Variants in VSTM4 observed in about 807,000 individuals in gnomAD.
VSTM4 encodes the protein V-set and transmembrane domain containing 4.
Under a neutral mutation model 36.4 loss-of-function variants are expected in VSTM4, and 20 were observed. That is an observed-to-expected ratio of 0.55 (90% confidence interval 0.39 to 0.80). VSTM4 has a LOEUF of 0.80. Ranked by LOEUF, VSTM4 falls within the 30% of genes least tolerant of loss-of-function variation. The pLI, the probability that VSTM4 is intolerant of heterozygous loss-of-function variation, is 0.00. For synonymous variants in VSTM4, 182 were observed against 173.9 expected (o/e 1.05, Z -0.37); for missense variants, 392 against 404.5 (o/e 0.97, Z 0.26).
chr10:49,022,121 A>T (rs982169759), intron 7 of VSTM4, among the ~76,000 whole-genome samples: 1 of 114,920 alleles, frequency 8.7e-6, no homozygotes, highest in Non-Finnish European at 1.8e-5. Context: ...TAATGCATTT[A>T]TTTTTTTTTA....
At chr10:49,058,754 G>A (rs1269282640) in intron 5 of VSTM4, among the ~76,000 whole-genome samples, 1 of 152,186 alleles carries the variant, frequency 6.6e-6, no homozygotes, top group Non-Finnish European at 1.5e-5. Flanking sequence ...TTCAGTGACC[G>A]CAGCCTCAGA....
At chr10:49,027,098 ACT>A (rs1319494986) in intron 7 of VSTM4, among the ~76,000 whole-genome samples, 1 of 151,704 alleles carries the variant, frequency 6.6e-6, no homozygotes, top group East Asian at 1.9e-4. Context: ...TGGCGGCCAC[ACT>A]CTCCTGCACT....
chr10:49,041,590 T>G (rs576950118), intron 7 of VSTM4, among the ~76,000 whole-genome samples: 1 of 152,166 alleles, frequency 6.6e-6, no homozygotes, highest in Non-Finnish European at 1.5e-5. Flanking sequence ...GAATCTGATA[T>G]TTTTTTAGTT....
intron 7 of VSTM4, among the ~76,000 whole-genome samples, chr10:49,046,398 C>G (rs1179999950): frequency 2.0e-5 from 3 of 152,182 alleles, no homozygotes; most frequent in Non-Finnish European, 2.9e-5. Context: ...AATGTGAGAT[C>G]CTGGATTTGG....
chr10:49,054,624 CG>C (rs1310628013), intron 5 of VSTM4, among the ~76,000 whole-genome samples: 2 of 152,150 alleles, frequency 1.3e-5, no homozygotes, highest in African/African-American at 4.8e-5. Context: ...GAGCAGAAGG[CG>C]GGGAGCAGTT....
chr10:49,058,188 A>G (rs1314731674), intron 5 of VSTM4, among the ~76,000 whole-genome samples: 1 of 152,012 alleles, frequency 6.6e-6, no homozygotes, highest in Non-Finnish European at 1.5e-5. Context: ...AACTTCCCTC[A>G]TTGGCAAGTA....
At chr10:49,102,362 T>C (rs1844683358) in intron 2 of VSTM4, 1 of 972,198 alleles carries the variant, frequency 1.0e-6, no homozygotes, top group African/African-American at 1.8e-5. Flanking sequence ...TCTTGAACTC[T>C]TGACTTCGTG....
At position 49,043,989 on chromosome 10, in the gene VSTM4, ACTT is replaced by A. The variant is rs1376707037; in HGVS notation, c.837+2991_837+2993del. Among the ~76,000 whole-genome samples, 24 of 152,302 alleles carry A rather than the reference ACTT, an allele frequency of 1.6e-4. No homozygotes were observed. In the East Asian group the frequency reaches 4.4e-3, roughly 28 times the overall value. On this transcript the variant is annotated intron_variant, in intron 7 of 7. Transcript: ENST00000332853. ...CATTTTTTGGTAGTGCTGTCTTTTT[ACTT>A]CTTATTGATTGGCAGGTGTTCATAT...
intron 2 of VSTM4, among the ~76,000 whole-genome samples, chr10:49,093,677 T>G (rs983337160): frequency 6.6e-6 from 1 of 152,080 alleles, no homozygotes; most frequent in African/African-American, 2.4e-5. Flanking sequence ...CCTTGTTCAT[T>G]ATCTGTGTCT....
At chr10:49,061,899 G>T (rs780493412) in intron 5 of VSTM4, among the ~76,000 whole-genome samples, 18 of 152,046 alleles carry the variant, frequency 1.2e-4, no homozygotes, top group Non-Finnish European at 1.6e-4. Flanking sequence ...AGCAATTAAG[G>T]CTACCATATT....
At position 49,107,927 on chromosome 10, in the gene VSTM4, C is replaced by T; in HGVS notation, c.124G>A (p.Ala42Thr). The T allele has an allele frequency of 1.9e-6, 3 of 1,612,964 alleles. No individual in the cohort carries two copies. The highest frequency in any genetic ancestry group is 2.5e-6 in the Non-Finnish European group (3 of 1,179,422). Residue 42 changes from alanine (A) to threonine (T), a missense_variant, in exon 2 of 8, where the codon GCC (alanine) becomes ACC (threonine). By Grantham distance (58) the Ala-to-Thr change is moderately conservative. Transcript: ENST00000332853. ...PVVDYLEGENATLLCHVSQKR... is the reference protein window; with the variant it reads ...PVVDYLEGENTTLLCHVSQKR... ...TGGGAGACGTGGCAGAGGAGAGTGG[C>T]ATTCTCCCCCTCCAGGTAGTCAACC...
chr10:49,033,005 A>G (rs1001373455), intron 7 of VSTM4, among the ~76,000 whole-genome samples: 1 of 151,542 alleles, frequency 6.6e-6, no homozygotes, highest in African/African-American at 2.4e-5. Flanking sequence ...GGCAGACTCT[A>G]TCAAAATTAA....
intron 1 of VSTM4, among the ~76,000 whole-genome samples, chr10:49,108,849 G>A (rs1017792699): frequency 1.3e-5 from 2 of 151,980 alleles, no homozygotes; most frequent in African/African-American, 4.8e-5. Context: ...CCACCCCAGC[G>A]CCCACTCCAC....
chr10:49,064,443 A>C, intron 5 of VSTM4: 2 of 484,244 alleles, frequency 4.1e-6, no homozygotes, highest in Non-Finnish European at 7.5e-6. Flanking sequence ...GCAGCTCTGC[A>C]GGACCATACA....
intron 5 of VSTM4, among the ~76,000 whole-genome samples, chr10:49,049,680 A>G (rs1843667811): frequency 6.6e-6 from 1 of 152,212 alleles, no homozygotes; most frequent in South Asian, 2.1e-4. Context: ...ACACATAAGG[A>G]AAGACTCATT....
In VSTM4 at chr10:49,096,622, C is replaced by CGTGTGTGTGTGTGTGTGTGTGTGTGTGT. The variant is rs57143308; in HGVS notation, c.458-10627_458-10600dup. ...ATTGGGTTGAAAAGCCATTGAAGAC[C>CGTGTGTGTGTGTGTGTGTGTGTGTGTGT]GTGTGTGTGTGTGTGTGTGTGTGTG... is the stretch of plus-strand genomic sequence containing the variant. On this transcript the variant is annotated intron_variant, in intron 2 of 7. Coordinates refer to ENST00000332853, the MANE Select transcript of VSTM4 (RefSeq NM_001031746.5). Among the ~76,000 whole-genome samples, 30 of 122,574 alleles carry CGTGTGTGTGTGTGTGTGTGTGTGTGTGT rather than the reference C, an allele frequency of 2.4e-4. 2 individuals are homozygous for CGTGTGTGTGTGTGTGTGTGTGTGTGTGT. The highest frequency in any genetic ancestry group is 9.3e-4 in the African/African-American group (27 of 28,946). The allele number at this position is 122,574 out of a possible 152,430, so 80.4% of individuals were successfully genotyped here.
rs541179689 is a variant in VSTM4 at position 49,105,111 on chromosome 10, CAGAG to C, written c.457+2479_457+2482del. 3.3e-3 allele frequency among the ~76,000 whole-genome samples: 410 copies of C among 125,376 alleles called. 3 individuals carry two copies. Among genetic ancestry groups the C allele is most frequent in the African/African-American group, 0.012 (375 of 32,024 alleles). The allele number at this position is 125,376 out of a possible 152,430, so 82.3% of individuals were successfully genotyped here. ...AGACAGACACAGAGGGAGAGAGAGA[CAGAG>C]AGAGATGGAAAGACAGAGAGAGACA... On this transcript the variant is annotated intron_variant, in intron 2 of 7. Coordinates refer to ENST00000332853, the MANE Select transcript of VSTM4 (RefSeq NM_001031746.5).
At chr10:49,108,056 CCA>C in intron 1 of VSTM4, 61 bp from the exon 2 acceptor site, 4 of 1,488,864 alleles carry the variant, frequency 2.7e-6, no homozygotes, top group Non-Finnish European at 3.6e-6. Flanking sequence ...TGTGGGCAGT[CCA>C]CAGTCGAGGA....
At chr10:49,064,426 C>G in intron 5 of VSTM4, 1 of 436,560 alleles carries the variant, frequency 2.3e-6, no homozygotes, top group South Asian at 2.7e-5. Context: ...CCTTCCTAAA[C>G]TGGGGAGCAG....
Sources: allele counts gnomAD v4.1 joint callset (sites outside exome capture counted in the v4.1 genomes callset), GRCh38; gene constraint gnomAD v4.1.1; transcripts MANE v1.5; gene names NCBI Gene and HGNC (gene_info 2026-07-23, HGNC 2026-07-21).